CNTNAP4: variants seen among roughly 807,000 people sequenced by gnomAD.
CNTNAP4 encodes contactin-associated protein-like 4.
CNTNAP4 carries 98 observed loss-of-function variants against 148.4 expected under a neutral mutation model. The ratio of observed to expected loss-of-function variants is 0.66; its 90% CI spans 0.56 to 0.78. CNTNAP4 has a LOEUF of 0.78. Ranked by LOEUF, CNTNAP4 falls within the 30% of genes least tolerant of loss-of-function variation. The pLI, the probability that CNTNAP4 is intolerant of heterozygous loss-of-function variation, is 0.00. For synonymous variants in CNTNAP4, 730 were observed against 565.1 expected, an observed-to-expected ratio of 1.29 and a Z score of -4.14; for missense variants, 1,935 against 1,565.6, an observed-to-expected ratio of 1.24 and a Z score of -3.98.
intron 3 of CNTNAP4, among the ~76,000 whole-genome samples, chr16:76,384,798 C>T (rs1045308516): frequency 1.3e-5 from 2 of 152,128 alleles, no homozygotes; most frequent in African/African-American, 2.4e-5. Context: ...TTTTATTTTA[C>T]TACAGTTAAT....
intron 14 of CNTNAP4, 32 bp from the exon 15 acceptor site, chr16:76,498,535 T>C: frequency 6.3e-7 from 1 of 1,593,744 alleles, no homozygotes; most frequent in Non-Finnish European, 8.5e-7. Context: ...TTAAAAGTTC[T>C]TAAGAATTTT....
chr16:76,411,923 T>G (rs2078811636), intron 3 of CNTNAP4, among the ~76,000 whole-genome samples: 1 of 151,384 alleles, frequency 6.6e-6, no homozygotes, highest in South Asian at 2.1e-4. Flanking sequence ...GCCAAACATA[T>G]TATTGTAACT....
chr16:76,534,584 C>T (rs2084133569), intron 17 of CNTNAP4, among the ~76,000 whole-genome samples: 1 of 152,124 alleles, frequency 6.6e-6, no homozygotes, highest in African/African-American at 2.4e-5. Context: ...TGAATCTACC[C>T]AGGGCTTACA....
At chr16:76,465,080 A>G (rs1450432910) in intron 9 of CNTNAP4, among the ~76,000 whole-genome samples, 3 of 152,182 alleles carry the variant, frequency 2.0e-5, no homozygotes, top group Non-Finnish European at 4.4e-5. Flanking sequence ...TGAACTGACT[A>G]CAGCACTGTG....
Position 76,277,566 on chromosome 16 carries a change from T to C in CNTNAP4, c.-97T>C. On this transcript the variant is annotated 5_prime_UTR_variant, in exon 1 of 24. Transcript: ENST00000611870. ...GGGAGAGACAGAGACCTAGAGGGGC[T>C]GAAGACCCAGACAGAGCTGGCAGAG... 2 of 780,266 alleles carry C rather than the reference T, an allele frequency of 2.6e-6. No individual in the cohort carries two copies. The highest frequency in any genetic ancestry group is 4.4e-6 in the Non-Finnish European group (2 of 459,608). 48.3% of individuals were successfully genotyped at this position (780,266 alleles called of 1,614,324 possible).
chr16:76,400,897 T>C (rs1272287852), intron 3 of CNTNAP4, among the ~76,000 whole-genome samples: 1 of 152,176 alleles, frequency 6.6e-6, no homozygotes, highest in East Asian at 1.9e-4. Context: ...CACTGGTCTA[T>C]GTGTCTGTTT....
At chr16:76,300,524 G>A (rs1476992257) in intron 1 of CNTNAP4, among the ~76,000 whole-genome samples, 1 of 152,126 alleles carries the variant, frequency 6.6e-6, no homozygotes, top group Non-Finnish European at 1.5e-5. Flanking sequence ...TTTTGCACAT[G>A]TATCCCAGAA....
intron 3 of CNTNAP4, among the ~76,000 whole-genome samples, chr16:76,373,910 A>G (rs1349019323): frequency 1.3e-5 from 2 of 151,574 alleles, no homozygotes; most frequent in Admixed American, 6.6e-5. Flanking sequence ...AAAAAAAAAA[A>G]AAAAGAAAAG....
chr16:76,553,438 T>A lies in CNTNAP4; in HGVS notation c.3598T>A (p.Ser1200Thr). ...PVTVTGHVTE[S>T]SCMAQPGTDA... The stretch of plus-strand genomic sequence containing the variant: ...CACTGTTACAGGACACGTGACTGAG[T>A]CCAGCTGTATGGCCCAGCCTGGCAC... The change falls in exon 22 of 24, where the codon TCC becomes ACC. Residue 1200 changes from serine (S) to threonine (T), a missense_variant. Transcript: ENST00000611870. 6.2e-7 allele frequency: 1 copy of A among 1,612,642 alleles called. No individual in the cohort carries two copies. Among genetic ancestry groups the A allele is most frequent in the Non-Finnish European group, 8.5e-7 (1 of 1,179,406 alleles).
intron 1 of CNTNAP4, among the ~76,000 whole-genome samples, chr16:76,313,565 A>G (rs1156750843): frequency 6.6e-6 from 1 of 152,172 alleles, no homozygotes; most frequent in Non-Finnish European, 1.5e-5. Context: ...TTGAATTACA[A>G]CTGGATTGGC....
At chr16:76,501,797 G>A (rs2082656309) in intron 15 of CNTNAP4, among the ~76,000 whole-genome samples, 1 of 152,170 alleles carries the variant, frequency 6.6e-6, no homozygotes, top group Admixed American at 6.5e-5. Context: ...ACGGCCGGGC[G>A]CGGTGGCTCA....
intron 2 of CNTNAP4, among the ~76,000 whole-genome samples, chr16:76,338,820 A>G (rs1964232831): frequency 6.6e-6 from 1 of 152,294 alleles, no homozygotes; most frequent in Non-Finnish European, 1.5e-5. Flanking sequence ...AGGTGGGGAA[A>G]AAAAATTTCC....
At position 76,360,654 on chromosome 16, in the gene CNTNAP4, C is replaced by G. The variant is rs558158052; in HGVS notation, c.390+5143C>G. Among the ~76,000 whole-genome samples the G allele has an allele frequency of 4.6e-5, 7 of 152,276 alleles. No homozygotes were observed. In the South Asian group the frequency reaches 1.4e-3, roughly 32 times the overall value. On this transcript the variant is annotated intron_variant, in intron 3 of 23. Transcript: ENST00000611870. ...AATGCCTAGAGAGTGCCTGCAGCTG[C>G]TTTTATCTTTCAAGAGACTGATCCA...
chr16:76,356,507 G>A (rs948067703), intron 3 of CNTNAP4, among the ~76,000 whole-genome samples: 2 of 152,126 alleles, frequency 1.3e-5, no homozygotes, highest in Admixed American at 6.5e-5. Flanking sequence ...CCTGGATATG[G>A]CATATAAACA....
chr16:76,538,337 A>G lies in CNTNAP4; in HGVS notation c.3217A>G (p.Asn1073Asp). Residue 1073 changes from asparagine (N) to aspartate (D), a missense_variant, in exon 19 of 24, where the codon AAT becomes GAT. By Grantham distance (23) the Asn-to-Asp change is conservative (BLOSUM62 1). Coordinates refer to ENST00000611870, the MANE Select transcript of CNTNAP4 (RefSeq NM_033401.5). ...ATACCTTTCTGTGATCATTGCCAAA[A>G]ATGGTGAGTTCTTTTTAGATGAGAG... ...KEYLSVIIAK[N>D]GSLQIRYKLN... 6.3e-7 allele frequency: 1 copy of G among 1,599,780 alleles called. No homozygotes were observed. Among genetic ancestry groups the G allele is most frequent in the African/African-American group, 1.3e-5 (1 of 74,254 alleles).
intron 10 of CNTNAP4, among the ~76,000 whole-genome samples, chr16:76,470,786 G>T (rs749364640): frequency 6.6e-6 from 1 of 151,882 alleles, no homozygotes; most frequent in African/African-American, 2.4e-5. Context: ...ACAGATAAAG[G>T]TGTAAATACA....
At chr16:76,546,073 A>G (rs1266805690) in intron 21 of CNTNAP4, among the ~76,000 whole-genome samples, 2 of 152,074 alleles carry the variant, frequency 1.3e-5, no homozygotes, top group African/African-American at 4.8e-5. Flanking sequence ...CACACCAGGA[A>G]TAAGTAAAAA....
chr16:76,361,031 G>A (rs969988724), intron 3 of CNTNAP4, among the ~76,000 whole-genome samples: 1 of 151,362 alleles, frequency 6.6e-6, no homozygotes, highest in African/African-American at 2.4e-5. Flanking sequence ...CACCACGTTA[G>A]CCAGGATGGC....
chr16:76,315,237 T>C (rs577839667), intron 1 of CNTNAP4, among the ~76,000 whole-genome samples: 1 of 150,536 alleles, frequency 6.6e-6, no homozygotes, highest in Non-Finnish European at 1.5e-5. Flanking sequence ...GGTGCACAAA[T>C]GCAAGCTCCT....
Sources: gnomAD v4.1 joint callset for allele counts (sites outside exome capture counted in the v4.1 genomes callset) on GRCh38, gnomAD v4.1.1 for gene constraint, MANE v1.5 for transcripts, NCBI Gene and HGNC (gene_info 2026-07-23, HGNC 2026-07-21) for gene names.